The following IFT140 variants were observed in gnomAD, a reference collection of about 807,000 sequenced individuals.
The protein encoded by IFT140 is intraflagellar transport protein 140 homolog.
Under a neutral mutation model 164.6 loss-of-function variants are expected in IFT140, and 133 were observed. That is an observed-to-expected ratio of 0.81 (90% confidence interval 0.70 to 0.93). The LOEUF (loss-of-function observed/expected upper bound fraction) is 0.93, where lower values mean the gene tolerates loss of function less well. Among genes scored for constraint, IFT140 ranks in the 40% least tolerant of loss-of-function variants. The pLI is 0.00. For synonymous variants in IFT140, 860 were observed against 817.3 expected (o/e 1.05, Z -0.89); for missense variants, 2,045 against 1,972.3 (o/e 1.04, Z -0.70).
intron 17 of IFT140, among the ~76,000 whole-genome samples, chr16:1,563,752 C>G (rs2033555383): frequency 6.6e-6 from 1 of 152,182 alleles, no homozygotes; most frequent in Non-Finnish European, 1.5e-5. Context: ...GGACCCCTTT[C>G]CCAGACCCCA....
At chr16:1,521,140 G>C (rs1283033013) in intron 26 of IFT140, among the ~76,000 whole-genome samples, 1 of 152,172 alleles carries the variant, frequency 6.6e-6, no homozygotes, top group African/African-American at 2.4e-5. Flanking sequence ...AAATTTTTGA[G>C]ACAGGGTCTC....
chr16:1,557,935 C>G lies in IFT140; in HGVS notation c.2399G>C (p.Ser800Thr), dbSNP rs907426431. 2 of 1,613,226 alleles carry G rather than the reference C, an allele frequency of 1.2e-6. No individual in the cohort carries two copies. Among genetic ancestry groups the G allele is most frequent in the Non-Finnish European group, 1.7e-6 (2 of 1,179,812 alleles). Reference protein sequence around the residue: ...EAFKSIKLIKSEAVWENMARM... With the variant: ...EAFKSIKLIKTEAVWENMARM... ...ACATCCCAGTGGTCGGGATCCTCAC[C>G]TTTTGATGAGCTTGATGGATTTGAA... is the stretch of plus-strand genomic sequence containing the variant. Residue 800 changes from serine to threonine, a missense_variant and splice_region_variant, in exon 19 of 31, where the codon AGT becomes ACT. Transcript: ENST00000426508.
intron 19 of IFT140, among the ~76,000 whole-genome samples, chr16:1,555,830 G>A (rs983123445): frequency 1.3e-5 from 2 of 152,258 alleles, no homozygotes; most frequent in South Asian, 2.1e-4. Context: ...CAGCCTGTGC[G>A]CGATGGCTCA....
intron 20 of IFT140, 44 bp from the exon 21 acceptor site, chr16:1,526,121 C>T: frequency 4.6e-6 from 7 of 1,518,940 alleles, no homozygotes; most frequent in Non-Finnish European, 6.2e-6. Flanking sequence ...CTCCACACAC[C>T]CACGTCTCAA....
At chr16:1,525,849 C>T (rs2040673613) in intron 21 of IFT140, 38 bp downstream of exon 21, 1 of 1,486,716 alleles carries the variant, frequency 6.7e-7, no homozygotes, top group East Asian at 2.5e-5. Context: ...CAGGGCCATC[C>T]AGAGAGGCAG....
intron 13 of IFT140, among the ~76,000 whole-genome samples, chr16:1,573,316 C>G (rs1028850123): frequency 6.6e-6 from 1 of 152,084 alleles, no homozygotes; most frequent in Non-Finnish European, 1.5e-5. Context: ...GGAGGCTCCT[C>G]GGTGAGCTCA....
chr16:1,525,528 G>A (rs992307907), intron 21 of IFT140, among the ~76,000 whole-genome samples: 4 of 152,180 alleles, frequency 2.6e-5, no homozygotes, highest in Admixed American at 6.5e-5. Flanking sequence ...CCCGGGAGGC[G>A]GGTCGCCCAT....
In IFT140 at chr16:1,520,041, T is replaced by C; in HGVS notation, c.3880A>G (p.Ile1294Val). 2 of 1,601,982 alleles carry C rather than the reference T, an allele frequency of 1.2e-6. No individual in the cohort carries two copies. Among genetic ancestry groups the C allele is most frequent in the Non-Finnish European group, 1.7e-6 (2 of 1,173,562 alleles). The change falls in exon 29 of 31, where the codon ATT (isoleucine) becomes GTT (valine). Residue 1294 changes from isoleucine (I) to valine (V), a missense_variant. Ile to Val is a conservative substitution (Grantham distance 29). Transcript: ENST00000426508. ...TTGTCGTAGTTCTGGTATTCATCAA[T>C]CTCCACCTGTACAGATGAAACCCGT... ...GFYDACAQVE[I>V]DEYQNYDKAH...
At chr16:1,532,823 T>A (rs2030643512) in intron 19 of IFT140, 2 of 152,210 alleles carry the variant, frequency 1.3e-5, no homozygotes, top group Middle Eastern at 3.1e-3. Context: ...TAGACGAAGA[T>A]GCTTCTGAGC....
Position 1,588,575 on chromosome 16 carries a change from T to C in IFT140, c.811-551A>G, listed in dbSNP as rs1024836527. On this transcript the variant is annotated intron_variant, in intron 7 of 30. Transcript: ENST00000426508. ...GTAATAATGGCTACTGAGCACAGGG[T>C]GTGGGCAGGTGGCCATCGGTGGACA... Among the ~76,000 whole-genome samples the C allele has an allele frequency of 1.2e-3, 183 of 151,460 alleles. 3 individuals are homozygous for C. The highest frequency in any genetic ancestry group is 4.6e-4 in the Admixed American group (7 of 15,226).
chr16:1,558,235 T>TTTCTC, intron 18 of IFT140, 101 bp from the exon 19 acceptor site: 39 of 1,158,630 alleles, frequency 3.4e-5, no homozygotes, highest in Non-Finnish European at 4.6e-5. Flanking sequence ...GGGGGAGAAA[T>TTTCTC]CCCTCTGCAG....
intron 30 of IFT140, among the ~76,000 whole-genome samples, chr16:1,517,244 G>A (rs903568769): frequency 3.9e-5 from 6 of 152,046 alleles, no homozygotes; most frequent in African/African-American, 1.2e-4. Flanking sequence ...CAGCTACTTG[G>A]GAGGCTGAGG....
intron 19 of IFT140, among the ~76,000 whole-genome samples, chr16:1,547,554 C>T (rs756784936): frequency 1.8e-4 from 28 of 151,954 alleles, no homozygotes; most frequent in Non-Finnish European, 2.4e-4. Flanking sequence ...TTTATTTATT[C>T]GAGATAGGGT....
At position 1,564,244 on chromosome 16, in the gene IFT140, C is replaced by A; in HGVS notation, c.1902-82G>T. ...CTCCCTCCCACACACATTCCCGAAG[C>A]CTCCAGGTGCTGTCCCAGACCATGG... On this transcript the variant is annotated intron_variant, in intron 16 of 30. Transcript: ENST00000426508. This position sits in a 1 kb window ranked among gnomAD's most constrained non-coding sequence, Gnocchi z 5.5. 2.4e-6 allele frequency: 3 copies of A among 1,272,246 alleles called. No individual in the cohort carries two copies. Among genetic ancestry groups the A allele is most frequent in the Non-Finnish European group, 3.2e-6 (3 of 939,704 alleles). 78.8% of individuals were successfully genotyped at this position (1,272,246 alleles called of 1,614,324 possible).
At chr16:1,511,461 C>T (rs967154541) in intron 30 of IFT140, among the ~76,000 whole-genome samples, 4 of 152,210 alleles carry the variant, frequency 2.6e-5, no homozygotes, top group African/African-American at 4.8e-5. Context: ...GCTCACCGTG[C>T]GTGTGCGGGC....
rs537936944 is a variant in IFT140, at chr16:1,516,568, G to A, written c.4182+1648C>T. Among the ~76,000 whole-genome samples the A allele has an allele frequency of 3.3e-3, 503 of 152,138 alleles. 1 individual carries two copies. Among genetic ancestry groups the A allele is most frequent in the Non-Finnish European group, 5.6e-3 (382 of 67,988 alleles). On this transcript the variant is annotated intron_variant, in intron 30 of 30. Transcript: ENST00000426508. The stretch of plus-strand genomic sequence containing the variant: ...GCGGATCATGAGGTCAGGAGATCGA[G>A]ACCATCCTGGCTAACACGGTGAAAC...
chr16:1,565,375 G>A lies in IFT140; in HGVS notation c.1901+786C>T, dbSNP rs1189891230. 2.0e-5 allele frequency among the ~76,000 whole-genome samples: 3 copies of A among 152,062 alleles called. 1 individual carries two copies. Among genetic ancestry groups the A allele is most frequent in the Non-Finnish European group, 4.4e-5 (3 of 68,034 alleles). Reference sequence around the variant, plus strand: ...TTCCACAGGAAGTCACTGGCAGAGGGATGAAATGAGGCCACCAGGTGAAAG... The same window carrying A: ...TTCCACAGGAAGTCACTGGCAGAGGAATGAAATGAGGCCACCAGGTGAAAG... On this transcript the variant is annotated intron_variant, in intron 16 of 30. Coordinates refer to ENST00000426508, the MANE Select transcript of IFT140 (RefSeq NM_014714.4).
At chr16:1,586,507 T>C (rs2035985482) in intron 9 of IFT140, among the ~76,000 whole-genome samples, 1 of 152,050 alleles carries the variant, frequency 6.6e-6, no homozygotes, top group African/African-American at 2.4e-5. Flanking sequence ...AGAGGCCAGT[T>C]GGCCTGGCTC....
chr16:1,606,489 T>C (rs1463784291), intron 3 of IFT140, among the ~76,000 whole-genome samples: 1 of 152,226 alleles, frequency 6.6e-6, no homozygotes, highest in Non-Finnish European at 1.5e-5. Context: ...AGACAGAGTT[T>C]TGCTTTTGTT....
Sources: allele counts gnomAD v4.1 joint callset (sites outside exome capture counted in the v4.1 genomes callset), GRCh38; gene constraint gnomAD v4.1.1; non-coding constraint Gnocchi (gnomAD v3.1); transcripts MANE v1.5; gene names NCBI Gene and HGNC (gene_info 2026-07-23, HGNC 2026-07-21).